The following TNS4 variants were observed in gnomAD, a reference collection of about 807,000 sequenced individuals.
TNS4 encodes the protein tensin 4.
TNS4 carries 46 observed loss-of-function variants against 70.4 expected under a neutral mutation model. That is an observed-to-expected ratio of 0.65 (90% CI 0.52 to 0.84). The LOEUF (loss-of-function observed/expected upper bound fraction) is 0.84. TNS4 is among the 40% of genes least tolerant of loss of function. The probability of loss-of-function intolerance (pLI) is 0.00; values close to 1 mark genes in which losing one functional copy is unlikely to be tolerated. For synonymous variants in TNS4, 390 were observed against 366.6 expected (o/e 1.06, Z -0.73); for missense variants, 863 against 907.0 (o/e 0.95, Z 0.62).
At chr17:40,482,074 A>G in intron 8 of TNS4, 55 bp downstream of exon 8, 2 of 1,592,616 alleles carry the variant, frequency 1.3e-6, no homozygotes, top group Non-Finnish European at 1.7e-6. Context: ...CCCATTTCTA[A>G]TGAGAACAAA....
rs750425999 is a variant in TNS4, at chr17:40,487,357, C to T, written c.967G>A (p.Val323Met). ...TCACTGGGTCTTGTACACAGGGACACTGAGCCAAGGCTGTGGAGGCTGGAG... is the reference window on the plus strand; with the variant it reads ...TCACTGGGTCTTGTACACAGGGACATTGAGCCAAGGCTGTGGAGGCTGGAG... ...SSSSLHSLGS[V>M]SLCTRPSDFQ... The change falls in exon 4 of 13, where the codon GTG becomes ATG. Residue 323 changes from valine to methionine, a missense_variant. Physicochemically the swap from Val to Met is conservative, Grantham distance 21. Coordinates refer to ENST00000254051, the MANE Select transcript of TNS4 (RefSeq NM_032865.6). The T allele has an allele frequency of 2.5e-6, 4 of 1,614,104 alleles. No homozygotes were observed. Among genetic ancestry groups the T allele is most frequent in the Non-Finnish European group, 3.4e-6 (4 of 1,180,034 alleles).
chr17:40,479,880 A>G (rs764589341), intron 9 of TNS4, 38 bp from the exon 10 acceptor site: 57 of 1,570,506 alleles, frequency 3.6e-5, no homozygotes, highest in Non-Finnish European at 4.8e-5. Flanking sequence ...CCACTGACCC[A>G]GGGCCCAGGT....
chr17:40,478,454 C>T (rs1277032517), intron 11 of TNS4, 121 bp from the exon 12 acceptor site: 1 of 1,271,642 alleles, frequency 7.9e-7, no homozygotes, highest in Non-Finnish European at 1.1e-6. Context: ...TACCCTCATT[C>T]TGTCACCCTG....
intron 10 of TNS4, among the ~76,000 whole-genome samples, chr17:40,478,955 CTT>C (rs2035886393): frequency 6.6e-6 from 1 of 152,172 alleles, no homozygotes; most frequent in South Asian, 2.1e-4. Context: ...TTGGTCATCT[CTT>C]GTTTCTCCCT....
intron 2 of TNS4, 83 bp downstream of exon 2, chr17:40,495,904 C>A: frequency 6.8e-7 from 1 of 1,462,226 alleles, no homozygotes. Context: ...ACAGGGTCCC[C>A]TTCTCTGTAC....
At chr17:40,489,095 C>T in intron 2 of TNS4, 126 bp from the exon 3 acceptor site, 3 of 890,778 alleles carry the variant, frequency 3.4e-6, no homozygotes, top group Non-Finnish European at 4.7e-6. Flanking sequence ...CACTGAGGCC[C>T]AGAGAGGAGA....
At chr17:40,485,338 T>C (rs2035977593) in intron 4 of TNS4, among the ~76,000 whole-genome samples, 1 of 152,252 alleles carries the variant, frequency 6.6e-6, no homozygotes, top group African/African-American at 2.4e-5. Context: ...AAATAAGAGA[T>C]AAACAAGGAA....
At position 40,499,850 on chromosome 17, in the gene TNS4, G is replaced by A. The variant is rs531253698; in HGVS notation, c.-96+1684C>T. ...GTGTCCTGCAGAGGAGGCTGGGGCT[G>A]CTGACTTTGCAGAGCTCAAGGAGGG... On this transcript the variant is annotated intron_variant, in intron 1 of 12. Transcript: ENST00000254051. Among the ~76,000 whole-genome samples, 4 of 152,358 alleles carry A rather than the reference G, an allele frequency of 2.6e-5. No individual in the cohort carries two copies. In the South Asian group the frequency reaches 8.3e-4, roughly 32 times the overall value.
intron 9 of TNS4, among the ~76,000 whole-genome samples, chr17:40,480,424 G>C (rs529892856): frequency 6.6e-6 from 1 of 152,248 alleles, no homozygotes; most frequent in Non-Finnish European, 1.5e-5. Context: ...CCTAGCACGT[G>C]TGCACATGCC....
At chr17:40,490,227 A>G (rs1181570272) in intron 2 of TNS4, among the ~76,000 whole-genome samples, 1 of 151,746 alleles carries the variant, frequency 6.6e-6, no homozygotes, top group Non-Finnish European at 1.5e-5. Flanking sequence ...CGCTCTTTCC[A>G]CTCCCTGGTC....
In TNS4 at chr17:40,478,258, A is replaced by C. The variant is rs527659106; in HGVS notation, c.2006+49T>G. ...CAGAATGGTGCCTCTTTCCTTCTGC[A>C]GTTCCCTCCCCATGTTGGGTTTGGG... On this transcript the variant is annotated intron_variant, in intron 12 of 12. Transcript: ENST00000254051. 12 of 1,612,370 alleles carry C rather than the reference A, an allele frequency of 7.4e-6. No individual in the cohort carries two copies. The South Asian group carries it at 1.3e-4, about 18-fold the overall frequency.
At chr17:40,495,451 C>A (rs2036129970) in intron 2 of TNS4, among the ~76,000 whole-genome samples, 1 of 152,158 alleles carries the variant, frequency 6.6e-6, no homozygotes, top group Non-Finnish European at 1.5e-5. Context: ...AACCAGAGAG[C>A]CAGGTAAACA....
intron 8 of TNS4, among the ~76,000 whole-genome samples, chr17:40,481,413 A>C (rs1223644120): frequency 6.6e-6 from 1 of 151,962 alleles, no homozygotes; most frequent in African/African-American, 2.4e-5. Flanking sequence ...CACCCAGGCT[A>C]GAGTGCAGTG....
At chr17:40,480,615 C>T (rs1013471244) in intron 9 of TNS4, 85 bp downstream of exon 9, 33 of 1,280,526 alleles carry the variant, frequency 2.6e-5, no homozygotes, top group South Asian at 2.5e-4. Flanking sequence ...TGCGTGTGTG[C>T]GTGCATGCGT....
At chr17:40,492,223 G>A (rs12942610) in intron 2 of TNS4, among the ~76,000 whole-genome samples, 70,226 of 152,026 alleles carry the variant, frequency 0.46, 17,494 homozygotes, top group African/African-American at 0.65. Context: ...GGAGCCCAGA[G>A]CCTGGGATTT....
At position 40,477,532 on chromosome 17, in the gene TNS4, G is replaced by T. The variant is rs1203430100; in HGVS notation, c.*56C>A. On this transcript the variant is annotated 3_prime_UTR_variant, in exon 13 of 13. Transcript: ENST00000254051. ...GCCACACCCATTCAGGGGGTGGAGG[G>T]GGGCTCCTTAGCGAGCCCCTGGAGG... 6.2e-6 allele frequency: 10 copies of T among 1,602,128 alleles called. No individual in the cohort carries two copies. Among genetic ancestry groups the T allele is most frequent in the Non-Finnish European group, 8.5e-6 (10 of 1,173,160 alleles).
At chr17:40,478,279 T>G in intron 12 of TNS4, 28 bp downstream of exon 12, 1 of 1,613,910 alleles carries the variant, frequency 6.2e-7, no homozygotes, top group Non-Finnish European at 8.5e-7. Flanking sequence ...CATGTTGGGT[T>G]TGGGGCCCTG....
chr17:40,488,592 C>T lies in TNS4; in HGVS notation c.817G>A (p.Val273Met). 6.6e-7 allele frequency: 1 copy of T among 1,514,008 alleles called. No individual in the cohort carries two copies. The highest frequency in any genetic ancestry group is 8.8e-7 in the Non-Finnish European group (1 of 1,131,318). 93.8% of individuals were successfully genotyped at this position (1,514,008 alleles called of 1,614,324 possible). ...TCAGACACTGGGCTGGCTGACAGCACAGAGATCCTGCTGCCCCGCTGTGGG... is the reference window on the plus strand; with the variant it reads ...TCAGACACTGGGCTGGCTGACAGCATAGAGATCCTGCTGCCCCGCTGTGGG... ...LAPQRGSRIS[V>M]LSASPVSDVS... Residue 273 changes from valine to methionine, a missense_variant, in exon 3 of 13, where the codon GTG (valine) becomes ATG (methionine). By Grantham distance (21) the Val-to-Met change is conservative. Coordinates refer to ENST00000254051, the MANE Select transcript of TNS4 (RefSeq NM_032865.6).
At chr17:40,482,096 C>G in intron 8 of TNS4, 33 bp downstream of exon 8, 1 of 1,611,336 alleles carries the variant, frequency 6.2e-7, no homozygotes, top group Admixed American at 1.7e-5. Flanking sequence ...AGGTCCCCCA[C>G]CTTGGCATTG....
Sources: gnomAD v4.1 joint callset for allele counts (sites outside exome capture counted in the v4.1 genomes callset) on GRCh38, gnomAD v4.1.1 for gene constraint, MANE v1.5 for transcripts, NCBI Gene and HGNC (gene_info 2026-07-23, HGNC 2026-07-21) for gene names.